The following GCNT4 variants were observed in gnomAD, a reference collection of about 807,000 sequenced individuals.
The protein encoded by GCNT4 is glucosaminyl (N-acetyl) transferase 4.
A neutral mutation model predicts 31.3 loss-of-function variants in GCNT4; 17 were observed. The ratio of observed to expected loss-of-function variants is 0.54; its 90% CI spans 0.37 to 0.81. The LOEUF (loss-of-function observed/expected upper bound fraction) is 0.81. Among genes scored for constraint, GCNT4 ranks in the 40% least tolerant of loss-of-function variants. The pLI is 0.00. For synonymous variants in GCNT4, 158 were observed against 190.6 expected (o/e 0.83, Z 1.41); for missense variants, 503 against 525.5 (o/e 0.96, Z 0.42).
chr5:75,032,829 T>C, intron 3 of GCNT4, among the ~76,000 whole-genome samples: 1 of 150,610 alleles, frequency 6.6e-6, no homozygotes, highest in African/African-American at 2.4e-5. Flanking sequence ...TGTGTAGAAT[T>C]GGGTGTTGTG....
At chr5:75,053,304 C>T (rs1439624319), upstream of GCNT4, among the ~76,000 whole-genome samples, 1 of 152,004 alleles carries the variant, frequency 6.6e-6, no homozygotes, top group Non-Finnish European at 1.5e-5. Flanking sequence ...GGAGAGAGGC[C>T]GGGGTTCAGC....
chr5:75,048,427 C>T (rs894565590), intron 2 of GCNT4, among the ~76,000 whole-genome samples: 2 of 152,102 alleles, frequency 1.3e-5, no homozygotes, highest in African/African-American at 2.4e-5. Flanking sequence ...AATTGTGGTT[C>T]GTGGAGAAAC....
At chr5:75,031,288 T>C (rs940393487) in intron 3 of GCNT4, among the ~76,000 whole-genome samples, 1 of 152,122 alleles carries the variant, frequency 6.6e-6, no homozygotes, top group Non-Finnish European at 1.5e-5. Context: ...CCCAGGCTGG[T>C]CGTGAACACC....
rs115894929 is a variant in GCNT4 at position 75,032,351 on chromosome 5, T to C, written c.-1-2313A>G. ...TGGACCTGCAGTTGCTGGATGGACATTGCTTCCTGATATCCCACAGGCACT... is the reference window on the plus strand; with the variant it reads ...TGGACCTGCAGTTGCTGGATGGACACTGCTTCCTGATATCCCACAGGCACT... On this transcript the variant is annotated intron_variant, in intron 3 of 3. Transcript: ENST00000652361. 9.8e-3 allele frequency among the ~76,000 whole-genome samples: 1,493 copies of C among 152,294 alleles called. 24 individuals are homozygous for C. Among genetic ancestry groups the C allele is most frequent in the African/African-American group, 0.035 (1,444 of 41,546 alleles).
intron 2 of GCNT4, among the ~76,000 whole-genome samples, chr5:75,051,223 T>A (rs1031963368): frequency 1.3e-5 from 2 of 152,124 alleles, no homozygotes; most frequent in African/African-American, 4.8e-5. Flanking sequence ...TGAGCCCACC[T>A]TCAGTCTCCC....
intron 3 of GCNT4, among the ~76,000 whole-genome samples, chr5:75,035,833 GCTT>G (rs1318320781): frequency 4.6e-5 from 7 of 152,160 alleles, no homozygotes; most frequent in Admixed American, 1.3e-4. Flanking sequence ...GGACTTCATG[GCTT>G]CTTTAAAGAT....
In GCNT4 at chr5:75,038,648, G is replaced by A. The variant is rs146145142; in HGVS notation, c.-1-8610C>T. On this transcript the variant is annotated intron_variant, in intron 3 of 3. Transcript: ENST00000652361. Reference sequence around the variant, plus strand: ...TGTTCTCACATGGCAAAGGGCAGACGGGCAAAGGGGGGGAGAGGTGAATGA... The same window carrying A: ...TGTTCTCACATGGCAAAGGGCAGACAGGCAAAGGGGGGGAGAGGTGAATGA... Among the ~76,000 whole-genome samples, 30 of 152,298 alleles carry A rather than the reference G, an allele frequency of 2.0e-4. No individual in the cohort carries two copies. In the East Asian group the frequency reaches 5.8e-3, roughly 29 times the overall value.
Position 75,028,560 on chromosome 5 carries a change from A to G in GCNT4, c.*116T>C. The G allele has an allele frequency of 1.0e-6, 1 of 975,422 alleles. No individual in the cohort carries two copies. The highest frequency in any genetic ancestry group is 1.5e-6 in the Non-Finnish European group (1 of 670,512). 60.4% of individuals were successfully genotyped at this position (975,422 alleles called of 1,614,324 possible). A position where few individuals can be genotyped will look rare whatever the true frequency, so the allele number is the denominator to read the frequency against. On this transcript the variant is annotated 3_prime_UTR_variant, in exon 4 of 4. Transcript: ENST00000652361. The stretch of plus-strand genomic sequence containing the variant: ...CTTTCCCTTGTGTATGGAATTTTGG[A>G]CACCTTTTAAAATATGGGAGGACTG...
intron 3 of GCNT4, among the ~76,000 whole-genome samples, chr5:75,033,289 G>A (rs1168112371): frequency 1.3e-5 from 2 of 152,198 alleles, no homozygotes; most frequent in East Asian, 1.9e-4. Context: ...CTCTAGCCTG[G>A]GATGGGAGAG....
chr5:75,039,246 C>T (rs7734055), intron 3 of GCNT4, among the ~76,000 whole-genome samples: 23,301 of 151,932 alleles, frequency 0.15, 2,286 homozygotes, highest in African/African-American at 0.26. Context: ...CCCACCACCA[C>T]GCCTGGCTAA....
At chr5:75,036,525 C>T (rs139880408) in intron 3 of GCNT4, among the ~76,000 whole-genome samples, 5 of 152,310 alleles carry the variant, frequency 3.3e-5, no homozygotes, top group South Asian at 4.1e-4. Flanking sequence ...CCATATTTCC[C>T]GCAACAGTTT....
At position 75,028,296 on chromosome 5, in the gene GCNT4, A is replaced by C. The variant is rs1482688235; in HGVS notation, c.*380T>G. 1 of 184,472 alleles carries C rather than the reference A, an allele frequency of 5.4e-6. No homozygotes were observed. The highest frequency in any genetic ancestry group is 1.1e-5 in the Non-Finnish European group (1 of 89,252). 11.4% of individuals were successfully genotyped at this position (184,472 alleles called of 1,614,324 possible). A position where few individuals can be genotyped will look rare whatever the true frequency, so the allele number is the denominator to read the frequency against. The stretch of plus-strand genomic sequence containing the variant: ...GATCAGACGATTACCACAAACTTCA[A>C]AAGCTTCTTCAGTAGAATCCTGACT... On this transcript the variant is annotated 3_prime_UTR_variant, in exon 4 of 4. Transcript: ENST00000652361.
chr5:75,032,310 G>T (rs1274421790), intron 3 of GCNT4, among the ~76,000 whole-genome samples: 1 of 151,988 alleles, frequency 6.6e-6, no homozygotes, highest in African/African-American at 2.4e-5. Context: ...TTCACCTCTT[G>T]CCCAAGCCTC....
chr5:75,035,121 G>A (rs1743166810), intron 3 of GCNT4, among the ~76,000 whole-genome samples: 1 of 141,952 alleles, frequency 7.0e-6, no homozygotes, highest in Non-Finnish European at 1.6e-5. Flanking sequence ...CCCCAGCTAA[G>A]CGGACACGAC....
chr5:75,032,015 GATTTC>G (rs1313441703), intron 3 of GCNT4, among the ~76,000 whole-genome samples: 1 of 152,114 alleles, frequency 6.6e-6, no homozygotes, highest in Non-Finnish European at 1.5e-5. Context: ...TAATTTTGTA[GATTTC>G]ATCTATACAG....
intron 2 of GCNT4, among the ~76,000 whole-genome samples, chr5:75,050,770 A>C (rs1016140333): frequency 3.9e-5 from 6 of 152,194 alleles, no homozygotes; most frequent in African/African-American, 1.2e-4. Context: ...ACTCAGCCCC[A>C]GGTCTCTCCA....
chr5:75,030,397 G>C (rs1460647365), intron 3 of GCNT4: 2 of 193,262 alleles, frequency 1.0e-5, no homozygotes, highest in Non-Finnish European at 2.3e-5. Flanking sequence ...TAGAGAACTG[G>C]ATGTCATCAA....
intron 3 of GCNT4, among the ~76,000 whole-genome samples, chr5:75,043,207 A>G (rs910042361): frequency 2.0e-5 from 3 of 152,238 alleles, no homozygotes; most frequent in African/African-American, 7.2e-5. Context: ...TACAAAGCAA[A>G]AGCAAAAACC....
chr5:75,024,343 A>T (rs184959684), downstream of GCNT4, among the ~76,000 whole-genome samples: 9 of 152,286 alleles, frequency 5.9e-5, no homozygotes, highest in Non-Finnish European at 1.2e-4. Context: ...AATTAACCTT[A>T]GGTTGAGTAT....
Sources: allele counts gnomAD v4.1 joint callset (sites outside exome capture counted in the v4.1 genomes callset), GRCh38; gene constraint gnomAD v4.1.1; transcripts MANE v1.5; gene names NCBI Gene and HGNC (gene_info 2026-07-23, HGNC 2026-07-21).